The following USP34 variants were observed in gnomAD, a reference collection of about 807,000 sequenced individuals.
The protein encoded by USP34 is ubiquitin carboxyl-terminal hydrolase 34.
A neutral mutation model predicts 460.3 loss-of-function variants in USP34; 70 were observed. The ratio of observed to expected loss-of-function variants is 0.15; its 90% CI spans 0.13 to 0.19. The LOEUF (loss-of-function observed/expected upper bound fraction) is 0.19, where lower values mean the gene tolerates loss of function less well. USP34 is among the 10% of genes least tolerant of loss of function. USP34 has a pLI of 1.00. For missense variants in USP34, 3,985 were observed against 4,236.2 expected (o/e 0.94, Z 1.65); for synonymous variants, 1,647 against 1,405.3 (o/e 1.17, Z -3.85).
Position 61,294,946 on chromosome 2 carries a change from A to G in USP34, c.4461+3T>C. The G allele has an allele frequency of 6.2e-7, 1 of 1,609,278 alleles. No individual in the cohort carries two copies. The highest frequency in any genetic ancestry group is 8.5e-7 in the Non-Finnish European group (1 of 1,177,542). ...ATACATTGAAAAACACATATGATCA[A>G]ACCTTGCAACTCCAGGAATTTTTAC... On this transcript the variant is annotated splice_donor_region_variant and intron_variant, in intron 32 of 79. Transcript: ENST00000398571.
At chr2:61,247,428 T>C (rs1252898774) in intron 49 of USP34, among the ~76,000 whole-genome samples, 1 of 152,174 alleles carries the variant, frequency 6.6e-6, no homozygotes, top group Non-Finnish European at 1.5e-5. Context: ...CCTAACAAAT[T>C]CCTTTATCCT....
chr2:61,460,682 C>G (rs1041622180), intron 1 of USP34, among the ~76,000 whole-genome samples: 1 of 151,978 alleles, frequency 6.6e-6, no homozygotes, highest in Non-Finnish European at 1.5e-5. Context: ...CATAGAATTT[C>G]GATTCATAAA....
chr2:61,198,354 G>A (rs1686869241), intron 75 of USP34, among the ~76,000 whole-genome samples: 1 of 152,072 alleles, frequency 6.6e-6, no homozygotes. Context: ...GTGAACTATG[G>A]TTTACTTAAC....
In USP34 at chr2:61,257,318, A is replaced by G. The variant is rs1199360719; in HGVS notation, c.5877T>C (p.Pro1959=). ...ESECKAYNPR[P]FCKTYTMDKQ... is the part of the protein sequence containing the mutation. ...TATCCATGGTGTATGTTTTACAGAAAGGTCTAGGATTATATGCTTTGCATT... is the reference window on the plus strand; with the variant it reads ...TATCCATGGTGTATGTTTTACAGAAGGGTCTAGGATTATATGCTTTGCATT... Residue 1959 remains proline (P), a synonymous_variant, in exon 45 of 80, where the codon CCT becomes CCC. Coordinates refer to ENST00000398571, the MANE Select transcript of USP34 (RefSeq NM_014709.4). 6.2e-7 allele frequency: 1 copy of G among 1,612,692 alleles called. No homozygotes were observed. Among genetic ancestry groups the G allele is most frequent in the Non-Finnish European group, 8.5e-7 (1 of 1,179,428 alleles).
At chr2:61,273,008 C>T (rs562911066) in intron 41 of USP34, among the ~76,000 whole-genome samples, 9 of 152,086 alleles carry the variant, frequency 5.9e-5, no homozygotes, top group Non-Finnish European at 1.3e-4. Context: ...AACAGTCTAC[C>T]AACAATAAGT....
intron 67 of USP34, among the ~76,000 whole-genome samples, chr2:61,219,319 A>G (rs1246093981): frequency 6.6e-6 from 1 of 152,140 alleles, no homozygotes; most frequent in African/African-American, 2.4e-5. Flanking sequence ...TCCCAGCCCT[A>G]AAATCAGTGA....
intron 41 of USP34, among the ~76,000 whole-genome samples, chr2:61,275,887 C>T (rs570988824): frequency 6.6e-6 from 1 of 151,994 alleles, no homozygotes; most frequent in Admixed American, 6.6e-5. Context: ...AGGATGACAA[C>T]TTGTATAAAT....
rs761374124 is a variant in USP34 at position 61,265,985 on chromosome 2, C to T, written c.5616G>A (p.Gln1872=). ...TTAAAGGAAAAGAAGAATGCTTACA[C>T]TGCATGTGTTGTGCCATAACCCAGT... ...IHNWVMAQHM[Q]SHAPYKWDYW... Residue 1872 remains glutamine, a splice_region_variant and synonymous_variant, in exon 42 of 80, where the codon CAG becomes CAA. Transcript: ENST00000398571. The T allele has an allele frequency of 3.8e-6, 6 of 1,598,936 alleles. No homozygotes were observed. The South Asian group carries it at 5.6e-5, about 15-fold the overall frequency.
intron 1 of USP34, among the ~76,000 whole-genome samples, chr2:61,452,208 G>C (rs983756689): frequency 2.0e-5 from 3 of 150,720 alleles, no homozygotes; most frequent in African/African-American, 7.3e-5. Flanking sequence ...AGACTTAATT[G>C]AGTATCTAAT....
intron 27 of USP34, among the ~76,000 whole-genome samples, chr2:61,304,251 G>C (rs563391820): frequency 6.6e-6 from 1 of 152,224 alleles, no homozygotes; most frequent in East Asian, 1.9e-4. Flanking sequence ...TAAATGTAAT[G>C]ATTGATATTT....
intron 76 of USP34, 151 bp from the exon 77 acceptor site, chr2:61,190,809 A>G (rs1686618165): frequency 1.1e-6 from 1 of 937,784 alleles, no homozygotes; most frequent in African/African-American, 1.7e-5. Flanking sequence ...TAACTCACCT[A>G]TTGAATTTTT....
At chr2:61,450,424 G>T (rs980187092) in intron 1 of USP34, among the ~76,000 whole-genome samples, 1 of 152,012 alleles carries the variant, frequency 6.6e-6, no homozygotes, top group Non-Finnish European at 1.5e-5. Flanking sequence ...TATTAGATTG[G>T]TACAAAAGTA....
chr2:61,214,885 A>G lies in USP34; in HGVS notation c.8048-191T>C, dbSNP rs190948307. ...AGATCCCAAGAGGTGATAAAAATAG[A>G]TACCTTCTATTCTGCCATTGTTATT... On this transcript the variant is annotated intron_variant, in intron 67 of 79. Coordinates refer to ENST00000398571, the MANE Select transcript of USP34 (RefSeq NM_014709.4). Among the ~76,000 whole-genome samples the G allele has an allele frequency of 5.7e-3, 870 of 152,320 alleles. 4 individuals are homozygous for G. Among genetic ancestry groups the G allele is most frequent in the Non-Finnish European group, 8.0e-3 (546 of 68,026 alleles).
At chr2:61,378,625 G>T (rs1692867241) in intron 7 of USP34, among the ~76,000 whole-genome samples, 1 of 151,818 alleles carries the variant, frequency 6.6e-6, no homozygotes, top group East Asian at 1.9e-4. Context: ...CTAAATAATG[G>T]CCAGGCGCAG....
At chr2:61,302,133 G>A (rs1238479953) in intron 27 of USP34, among the ~76,000 whole-genome samples, 4 of 151,702 alleles carry the variant, frequency 2.6e-5, no homozygotes, top group Admixed American at 6.6e-5. Context: ...CAACTTTTTC[G>A]GGAAAAAAAA....
intron 30 of USP34, among the ~76,000 whole-genome samples, chr2:61,296,186 C>T (rs1690022996): frequency 1.3e-5 from 2 of 152,064 alleles, no homozygotes; most frequent in South Asian, 2.1e-4. Context: ...CTTGAGCCCT[C>T]GTGGTTGTGG....
At chr2:61,396,298 G>A (rs1389753842) in intron 3 of USP34, among the ~76,000 whole-genome samples, 1 of 152,002 alleles carries the variant, frequency 6.6e-6, no homozygotes, top group Non-Finnish European at 1.5e-5. Flanking sequence ...TTTTTGGAAG[G>A]CTATTTGGCA....
intron 41 of USP34, among the ~76,000 whole-genome samples, chr2:61,270,435 A>ATATTT (rs753968051): frequency 6.6e-6 from 1 of 152,106 alleles, no homozygotes; most frequent in Non-Finnish European, 1.5e-5. Context: ...CCAGTATACA[A>ATATTT]TATTTTATTT....
At chr2:61,469,971 G>A (rs1009821604) in intron 1 of USP34, among the ~76,000 whole-genome samples, 1 of 152,196 alleles carries the variant, frequency 6.6e-6, no homozygotes, top group Non-Finnish European at 1.5e-5. Context: ...ACTATCCCGG[G>A]ATGGTATGTG....
Sources: allele counts gnomAD v4.1 joint callset (sites outside exome capture counted in the v4.1 genomes callset), GRCh38; gene constraint gnomAD v4.1.1; transcripts MANE v1.5; gene names NCBI Gene and HGNC (gene_info 2026-07-23, HGNC 2026-07-21).